EVC2: variants seen among roughly 807,000 people sequenced by gnomAD.
EVC2 encodes EvC ciliary complex subunit 2, also known as limbin.
EVC2 carries 148 observed loss-of-function variants against 149.3 expected under a neutral mutation model. The observed-to-expected ratio is 0.99, with a 90% CI of 0.87 to 1.14. The LOEUF (loss-of-function observed/expected upper bound fraction) is 1.14, where lower values mean the gene tolerates loss of function less well. EVC2 is among the 50% of genes most tolerant of loss of function. The pLI is 0.00. For synonymous variants in EVC2, 776 were observed against 649.9 expected, an observed-to-expected ratio of 1.19 and a Z score of -2.95; for missense variants, 1,854 against 1,627.3, an observed-to-expected ratio of 1.14 and a Z score of -2.40.
At chr4:5,621,314 A>G (rs1188045163) in intron 14 of EVC2, among the ~76,000 whole-genome samples, 1 of 152,214 alleles carries the variant, frequency 6.6e-6, no homozygotes, top group African/African-American at 2.4e-5. Flanking sequence ...GCTCTTACAT[A>G]AACATTGTCT....
intron 16 of EVC2, among the ~76,000 whole-genome samples, chr4:5,589,519 T>A (rs1261127923): frequency 2.0e-5 from 3 of 152,210 alleles, no homozygotes; most frequent in Non-Finnish European, 4.4e-5. Flanking sequence ...GAAATCTATC[T>A]GACTTGGCTT....
chr4:5,605,542 AT>A (rs1714325988), intron 16 of EVC2, among the ~76,000 whole-genome samples: 1 of 152,224 alleles, frequency 6.6e-6, no homozygotes, highest in South Asian at 2.1e-4. Context: ...AGACAGATCT[AT>A]TTCCAATCAT....
At chr4:5,706,445 G>GATACATAGATAGATACATACATAC (rs1577281809) in intron 1 of EVC2, among the ~76,000 whole-genome samples, 6 of 25,766 alleles carry the variant, frequency 2.3e-4, no homozygotes, top group South Asian at 2.8e-3. Flanking sequence ...TAGATAGATA[G>GATACATAGATAGATACATACATAC]ATACATACAT....
intron 13 of EVC2, among the ~76,000 whole-genome samples, chr4:5,624,906 C>A (rs913336344): frequency 5.3e-5 from 8 of 152,182 alleles, no homozygotes; most frequent in Non-Finnish European, 2.9e-5. Context: ...TTGCGTGTCA[C>A]TCTGCATGTC....
At chr4:5,639,845 C>T (rs1242567247) in intron 10 of EVC2, among the ~76,000 whole-genome samples, 2 of 147,568 alleles carry the variant, frequency 1.4e-5, no homozygotes, top group Non-Finnish European at 3.0e-5. Context: ...TATAACATGA[C>T]TGAATAATGT....
At chr4:5,650,174 G>A (rs963012603) in intron 9 of EVC2, among the ~76,000 whole-genome samples, 9 of 152,134 alleles carry the variant, frequency 5.9e-5, no homozygotes, top group African/African-American at 1.9e-4. Context: ...GATGCAGACA[G>A]ATGCCACTAA....
chr4:5,594,943 C>T (rs1188693685), intron 16 of EVC2, among the ~76,000 whole-genome samples: 4 of 151,992 alleles, frequency 2.6e-5, no homozygotes, highest in African/African-American at 7.3e-5. Flanking sequence ...GGAGCCGATG[C>T]GATCAACTGG....
intron 16 of EVC2, among the ~76,000 whole-genome samples, chr4:5,586,779 C>T (rs555449422): frequency 1.3e-5 from 2 of 152,242 alleles, no homozygotes; most frequent in South Asian, 4.1e-4. Context: ...TTTTCTGGAC[C>T]AAACCAATGT....
rs572115680 is a variant in EVC2 at position 5,628,151 on chromosome 4, G to A, written c.1886+408C>T. Among the ~76,000 whole-genome samples, 90 of 152,302 alleles carry A rather than the reference G, an allele frequency of 5.9e-4. 2 individuals are homozygous for A. The highest frequency in any genetic ancestry group is 8.5e-4 in the Admixed American group (13 of 15,300). ...GAATAAACAGTAGTGGGTCTCCAGT[G>A]AGGAAGGTTTGTGTCAGGCAGTTCA... On this transcript the variant is annotated intron_variant, in intron 12 of 21. Transcript: ENST00000344408.
rs1198661422 is a variant in EVC2 at position 5,708,543 on chromosome 4, G to A, written c.-30C>T. On this transcript the variant is annotated 5_prime_UTR_variant, in exon 1 of 22. Coordinates refer to ENST00000344408, the MANE Select transcript of EVC2 (RefSeq NM_147127.5). ...TGTCGGGACCCGCTACCTCAAAGCG[G>A]CGGGTGCCGCCGAGTCGCTGGAGCT... 2.9e-6 allele frequency: 4 copies of A among 1,393,050 alleles called. No homozygotes were observed. The highest frequency in any genetic ancestry group is 3.7e-6 in the Non-Finnish European group (4 of 1,073,460). 86.3% of individuals were successfully genotyped at this position (1,393,050 alleles called of 1,614,324 possible). A position where few individuals can be genotyped will look rare whatever the true frequency, so the allele number is the denominator to read the frequency against.
In EVC2 at chr4:5,618,639, G is replaced by A. The variant is rs774306509; in HGVS notation, c.2545C>T (p.Leu849Phe). Residue 849 changes from leucine (L) to phenylalanine (F), a missense_variant, in exon 15 of 22, where the codon CTC becomes TTC. Transcript: ENST00000344408. This position sits in a 1 kb window ranked among gnomAD's most constrained non-coding sequence, Gnocchi z 4.4. ...CCATGGACCTCCTGCCTCATCCTGAGCAGCTCCTCTTCAGACAGGGAGAAG... is the reference window on the plus strand; with the variant it reads ...CCATGGACCTCCTGCCTCATCCTGAACAGCTCCTCTTCAGACAGGGAGAAG... Reference protein sequence around the residue: ...SVFSLSEEELLRMRQEVHGCF... With the variant: ...SVFSLSEEELFRMRQEVHGCF... The A allele has an allele frequency of 1.9e-6, 3 of 1,611,418 alleles. No individual in the cohort carries two copies. Among genetic ancestry groups the A allele is most frequent in the African/African-American group, 2.7e-5 (2 of 74,984 alleles).
At chr4:5,608,346 C>T (rs1357451273) in intron 16 of EVC2, among the ~76,000 whole-genome samples, 1 of 152,166 alleles carries the variant, frequency 6.6e-6, no homozygotes, top group Non-Finnish European at 1.5e-5. Flanking sequence ...TGGGCAGTGT[C>T]AGCAAGATGC....
intron 16 of EVC2, among the ~76,000 whole-genome samples, chr4:5,612,484 GGCTTTAGGAAGAGGTT>G (rs1442521341): frequency 2.0e-5 from 3 of 152,238 alleles, no homozygotes; most frequent in Admixed American, 6.5e-5. Flanking sequence ...ATTGGAGCTG[GGCTTTAGGAAGAGGTT>G]GCTCCCTGCT....
At chr4:5,659,985 T>C (rs953659343) in intron 9 of EVC2, among the ~76,000 whole-genome samples, 1 of 152,258 alleles carries the variant, frequency 6.6e-6, no homozygotes, top group Non-Finnish European at 1.5e-5. Context: ...TGAAATCATT[T>C]GATAATTAGC....
At chr4:5,619,457 T>C (rs565736706) in intron 14 of EVC2, among the ~76,000 whole-genome samples, 4 of 152,170 alleles carry the variant, frequency 2.6e-5, no homozygotes, top group Non-Finnish European at 5.9e-5. Context: ...ATGCCAAGGA[T>C]TGCCAGCAAC....
intron 19 of EVC2, among the ~76,000 whole-genome samples, chr4:5,573,644 A>G (rs1227814145): frequency 6.6e-6 from 1 of 152,236 alleles, no homozygotes; most frequent in Non-Finnish European, 1.5e-5. Flanking sequence ...TCTGACCTCC[A>G]GAACTTTAAG....
At chr4:5,554,469 A>G (rs1401683085) in intron 21 of EVC2, among the ~76,000 whole-genome samples, 1 of 152,180 alleles carries the variant, frequency 6.6e-6, no homozygotes, top group Non-Finnish European at 1.5e-5. Flanking sequence ...ACCTATAGCA[A>G]CCTCACCAGA....
intron 7 of EVC2, among the ~76,000 whole-genome samples, chr4:5,680,730 T>C (rs992859046): frequency 1.3e-5 from 2 of 152,222 alleles, no homozygotes; most frequent in South Asian, 2.1e-4. Context: ...ATAAGTAAAT[T>C]GCTTAGAATG....
chr4:5,546,657 T>C (rs35423634), intron 21 of EVC2, among the ~76,000 whole-genome samples: 17,036 of 151,820 alleles, frequency 0.11, 1,294 homozygotes, highest in Non-Finnish European at 0.17. Context: ...ATGGCACATG[T>C]ATACATATGT....
Sources: allele counts gnomAD v4.1 joint callset (sites outside exome capture counted in the v4.1 genomes callset), GRCh38; gene constraint gnomAD v4.1.1; non-coding constraint Gnocchi (gnomAD v3.1); transcripts MANE v1.5; gene names NCBI Gene and HGNC (gene_info 2026-07-23, HGNC 2026-07-21).